Variants in RSRC1 observed in about 807,000 individuals in gnomAD.
RSRC1 encodes the protein arginine and serine rich coiled-coil 1, also known as serine/Arginine-related protein 53.
Under a neutral mutation model 49.1 loss-of-function variants are expected in RSRC1, and 39 were observed. The observed-to-expected ratio is 0.79, with a 90% CI of 0.61 to 1.04. RSRC1 has a LOEUF of 1.04. Ranked by LOEUF, RSRC1 falls within the 50% of genes least tolerant of loss-of-function variation. The pLI is 0.00. For missense variants in RSRC1, 388 were observed against 402.4 expected, an observed-to-expected ratio of 0.96 and a Z score of 0.31; for synonymous variants, 143 against 130.8, an observed-to-expected ratio of 1.09 and a Z score of -0.63.
rs556257035 is a variant in RSRC1 at position 158,270,960 on chromosome 3, G to T, written c.495-27079G>T. Among the ~76,000 whole-genome samples the T allele has an allele frequency of 2.0e-5, 3 of 152,220 alleles. No individual in the cohort carries two copies. The South Asian group carries it at 6.2e-4, about 32-fold the overall frequency. Reference sequence around the variant, plus strand: ...TGATTAGTCATACTGGAACTTGAAAGAATTGGGTGAACTTAGGCTGCTCCA... The same window carrying T: ...TGATTAGTCATACTGGAACTTGAAATAATTGGGTGAACTTAGGCTGCTCCA... On this transcript the variant is annotated intron_variant, in intron 4 of 9. Transcript: ENST00000611884.
chr3:158,136,833 C>T (rs2108189250), intron 3 of RSRC1: 1 of 152,144 alleles, frequency 6.6e-6, no homozygotes, highest in South Asian at 2.1e-4. Context: ...TGTTCTTGGA[C>T]AGATAGTCTG....
intron 5 of RSRC1, among the ~76,000 whole-genome samples, chr3:158,333,054 C>T (rs923033595): frequency 3.3e-5 from 5 of 151,808 alleles, no homozygotes; most frequent in South Asian, 2.1e-4. Context: ...CTGCAAGCTC[C>T]GCCTCCCGGG....
chr3:158,410,974 TCTTG>T (rs1321183693), intron 6 of RSRC1, among the ~76,000 whole-genome samples: 1 of 152,120 alleles, frequency 6.6e-6, no homozygotes, highest in Non-Finnish European at 1.5e-5. Context: ...TTGAGCACTT[TCTTG>T]CTTTTCTTTG....
At chr3:158,468,079 G>A (rs1432418510) in intron 7 of RSRC1, among the ~76,000 whole-genome samples, 1 of 152,138 alleles carries the variant, frequency 6.6e-6, no homozygotes, top group Non-Finnish European at 1.5e-5. Context: ...TACTACAGGT[G>A]CCTGCCACCA....
At chr3:158,358,194 AG>A (rs1310747341) in intron 6 of RSRC1, among the ~76,000 whole-genome samples, 2 of 152,236 alleles carry the variant, frequency 1.3e-5, no homozygotes, top group Non-Finnish European at 2.9e-5. Flanking sequence ...TATTTGGGTT[AG>A]GAACATACTT....
At chr3:158,393,284 G>T (rs1200894865) in intron 6 of RSRC1, among the ~76,000 whole-genome samples, 2 of 151,690 alleles carry the variant, frequency 1.3e-5, no homozygotes, top group African/African-American at 4.8e-5. Context: ...GAATCAATCC[G>T]AAAGCTAGTA....
chr3:158,309,235 C>G (rs758388741), intron 5 of RSRC1, among the ~76,000 whole-genome samples: 1 of 151,740 alleles, frequency 6.6e-6, no homozygotes, highest in African/African-American at 2.4e-5. Context: ...TGTTAGCGCT[C>G]TCTGAAGTAT....
Position 158,408,390 on chromosome 3 carries a change from G to A in RSRC1, c.584-52545G>A, listed in dbSNP as rs1734263073. ...ATTGAGCCTCCTGATAAAGGTAACA[G>A]GCCATCTAGCCATATAACAGAAATG... is the stretch of plus-strand genomic sequence containing the variant. On this transcript the variant is annotated intron_variant, in intron 6 of 9. Transcript: ENST00000611884. Among the ~76,000 whole-genome samples, 7 of 152,244 alleles carry A rather than the reference G, an allele frequency of 4.6e-5. No individual in the cohort carries two copies. The South Asian group carries it at 1.5e-3, about 32-fold the overall frequency.
Position 158,264,975 on chromosome 3 carries a change from GAA to G in RSRC1, c.495-33063_495-33062del, listed in dbSNP as rs752424253. Among the ~76,000 whole-genome samples, 320 of 152,226 alleles carry G rather than the reference GAA, an allele frequency of 2.1e-3. 3 individuals carry two copies. The highest frequency in any genetic ancestry group is 4.1e-3 in the Non-Finnish European group (280 of 68,010). ...CTAATTAGTACTTTGCTGACTATTT[GAA>G]GATTGCCCTGATCTGTCTCTGTGCT... On this transcript the variant is annotated intron_variant, in intron 4 of 9. Coordinates refer to ENST00000611884, the MANE Select transcript of RSRC1 (RefSeq NM_001271838.2).
intron 4 of RSRC1, among the ~76,000 whole-genome samples, chr3:158,232,487 G>T (rs1723021905): frequency 6.6e-6 from 1 of 152,052 alleles, no homozygotes; most frequent in South Asian, 2.1e-4. Context: ...CTGTGAACAC[G>T]TTGCTTGAAA....
At chr3:158,299,767 A>G (rs1727431177) in intron 5 of RSRC1, among the ~76,000 whole-genome samples, 1 of 152,132 alleles carries the variant, frequency 6.6e-6, no homozygotes, top group South Asian at 2.1e-4. Flanking sequence ...TATACTTACT[A>G]GTAGCATCTC....
intron 5 of RSRC1, among the ~76,000 whole-genome samples, chr3:158,298,812 T>G (rs949603543): frequency 2.6e-5 from 4 of 152,216 alleles, no homozygotes; most frequent in South Asian, 2.1e-4. Context: ...ATGGTACATA[T>G]TCTTTTGTAA....
At position 158,117,068 on chromosome 3, in the gene RSRC1, G is replaced by A. The variant is rs139226822; in HGVS notation, c.-2-5035G>A. Among the ~76,000 whole-genome samples the A allele has an allele frequency of 5.5e-3, 837 of 152,114 alleles. 8 individuals are homozygous for A. Among genetic ancestry groups the A allele is most frequent in the African/African-American group, 0.019 (801 of 41,496 alleles). On this transcript the variant is annotated intron_variant, in intron 1 of 9. Coordinates refer to ENST00000611884, the MANE Select transcript of RSRC1 (RefSeq NM_001271838.2). Reference sequence around the variant, plus strand: ...CTCGTAGCAGAACAGTGATTTGGCTGGATAGAGATTCTAGGTTGAGATTCA... The same window carrying A: ...CTCGTAGCAGAACAGTGATTTGGCTAGATAGAGATTCTAGGTTGAGATTCA...
chr3:158,229,388 A>ATG lies in RSRC1; in HGVS notation c.494+26144_494+26145insGT, dbSNP rs1559952776. 4.7e-4 allele frequency among the ~76,000 whole-genome samples: 45 copies of ATG among 95,624 alleles called. 1 individual carries two copies. The highest frequency in any genetic ancestry group is 9.0e-4 in the African/African-American group (30 of 33,426). 62.7% of individuals were successfully genotyped at this position (95,624 alleles called of 152,430 possible). On this transcript the variant is annotated intron_variant, in intron 4 of 9. Transcript: ENST00000611884. ...CACACGTATATGTGTATGTATGTGT[A>ATG]TATATATACACATACACACGTATAT...
intron 2 of RSRC1, 124 bp from the exon 3 acceptor site, chr3:158,123,742 G>A (rs6789448): frequency 0.66 from 567,715 of 860,104 alleles, 189,950 homozygotes; most frequent in African/African-American, 0.84. Context: ...ATTTATCTCT[G>A]TTTGCTTCCA....
intron 6 of RSRC1, among the ~76,000 whole-genome samples, chr3:158,398,724 C>T (rs1733736461): frequency 6.6e-6 from 1 of 152,110 alleles, no homozygotes; most frequent in African/African-American, 2.4e-5. Flanking sequence ...TCCCTTCTTC[C>T]ATTGTTACTA....
intron 7 of RSRC1, among the ~76,000 whole-genome samples, chr3:158,498,921 T>TA: frequency 6.6e-6 from 1 of 152,306 alleles, no homozygotes; most frequent in South Asian, 2.1e-4. Flanking sequence ...TCTGTTCCAT[T>TA]AGTCTATGTG....
chr3:158,514,966 C>T (rs1740423602), intron 7 of RSRC1, among the ~76,000 whole-genome samples: 2 of 151,786 alleles, frequency 1.3e-5, no homozygotes, highest in East Asian at 3.9e-4. Context: ...TTTCCATTTG[C>T]TTGGTAGATC....
intron 3 of RSRC1, among the ~76,000 whole-genome samples, chr3:158,133,136 A>C (rs1045461685): frequency 5.9e-5 from 9 of 152,182 alleles, no homozygotes; most frequent in Non-Finnish European, 1.3e-4. Flanking sequence ...TGAAAAACTA[A>C]TTTATTGTTT....
Sources: gnomAD v4.1 joint callset for allele counts (sites outside exome capture counted in the v4.1 genomes callset) on GRCh38, gnomAD v4.1.1 for gene constraint, MANE v1.5 for transcripts, NCBI Gene and HGNC (gene_info 2026-07-23, HGNC 2026-07-21) for gene names.